HEATR5A: variants seen among roughly 807,000 people sequenced by gnomAD.
HEATR5A encodes the protein HEAT repeat containing 5A.
Under a neutral mutation model 218.8 loss-of-function variants are expected in HEATR5A, and 178 were observed. That is an observed-to-expected ratio of 0.81 (90% CI 0.72 to 0.92). The LOEUF (loss-of-function observed/expected upper bound fraction) is 0.92. Ranked by LOEUF, HEATR5A falls within the 40% of genes least tolerant of loss-of-function variation. HEATR5A has a pLI of 0.00. For synonymous variants in HEATR5A, 864 were observed against 871.6 expected (o/e 0.99, Z 0.15); for missense variants, 2,420 against 2,418.9 (o/e 1.00, Z -0.01).
At chr14:31,315,455 T>G (rs1471392239) in intron 27 of HEATR5A, among the ~76,000 whole-genome samples, 2 of 152,076 alleles carry the variant, frequency 1.3e-5, no homozygotes, top group African/African-American at 4.8e-5. Context: ...TGCTACAGAG[T>G]TGATAGAAGA....
chr14:31,371,876 A>G lies in HEATR5A; in HGVS notation c.1895T>C (p.Leu632Pro). The G allele has an allele frequency of 6.5e-7, 1 of 1,550,184 alleles. No individual in the cohort carries two copies. Among genetic ancestry groups the G allele is most frequent in the Non-Finnish European group, 8.7e-7 (1 of 1,145,446 alleles). The part of the protein sequence containing the change: ...IKSFVSHCGD[L>P]LTEEVTQRLL... ...ACGCTGAGTTACTTCCTCAGTAAGA[A>G]GATCACCACAGTGGGAAACAAAGCT... is the stretch of plus-strand genomic sequence containing the variant. Residue 632 changes from leucine (L) to proline (P), a missense_variant, in exon 13 of 36, where the codon CTT (leucine) becomes CCT (proline). Physicochemically the swap from Leu to Pro is moderately conservative, Grantham distance 98. Coordinates refer to ENST00000543095, the MANE Select transcript of HEATR5A (RefSeq NM_015473.4).
rs1443246943 is a variant in HEATR5A at position 31,311,047 on chromosome 14, AACCAACCAACCAACC to A, written c.4442-1880_4442-1866del. 4.6e-5 allele frequency among the ~76,000 whole-genome samples: 7 copies of A among 151,130 alleles called. No individual in the cohort carries two copies. The East Asian group carries it at 1.4e-3, about 29-fold the overall frequency. On this transcript the variant is annotated intron_variant, in intron 28 of 35. Coordinates refer to ENST00000543095, the MANE Select transcript of HEATR5A (RefSeq NM_015473.4). The stretch of plus-strand genomic sequence containing the variant: ...CAACCAACCAACCAACCAACCAACC[AACCAACCAACCAACC>A]AACCAACCAACCAAATACACACACA...
rs1414410734 is a variant in HEATR5A at position 31,352,345 on chromosome 14, T to C, written c.2412-1628A>G. The stretch of plus-strand genomic sequence containing the variant: ...GTCAGGTGTGCTTATTAAGCAAGCA[T>C]AAAAGACAACAGCATCAGGTAATTA... On this transcript the variant is annotated intron_variant, in intron 16 of 35. Transcript: ENST00000543095. 3.3e-5 allele frequency among the ~76,000 whole-genome samples: 5 copies of C among 152,154 alleles called. No homozygotes were observed. The East Asian group carries it at 5.8e-4, about 18-fold the overall frequency.
chr14:31,293,880 C>T lies in HEATR5A; in HGVS notation c.5833+11G>A. On this transcript the variant is annotated intron_variant, in intron 35 of 35. Transcript: ENST00000543095. ...GTTGAGACTGAGTATGAATTTAGTG[C>T]TGACACTTACGATGGTGTTCTTCAG... 1 of 1,578,052 alleles carries T rather than the reference C, an allele frequency of 6.3e-7. No homozygotes were observed. Among genetic ancestry groups the T allele is most frequent in the Non-Finnish European group, 8.6e-7 (1 of 1,157,964 alleles).
chr14:31,390,110 G>A (rs1019915750), intron 6 of HEATR5A, among the ~76,000 whole-genome samples: 1 of 152,138 alleles, frequency 6.6e-6, no homozygotes, highest in East Asian at 1.9e-4. Flanking sequence ...TCTAGGCAGA[G>A]GAAATGGCTA....
intron 25 of HEATR5A, among the ~76,000 whole-genome samples, chr14:31,320,962 T>C (rs1444336992): frequency 2.0e-5 from 3 of 152,162 alleles, no homozygotes; most frequent in African/African-American, 2.4e-5. Flanking sequence ...TTCAAACACA[T>C]GTACTTTCTA....
intron 1 of HEATR5A, among the ~76,000 whole-genome samples, chr14:31,417,982 C>A (rs1056698516): frequency 1.3e-5 from 2 of 151,998 alleles, no homozygotes. Context: ...CCGAGGCGGG[C>A]GGATCACCTG....
At chr14:31,293,748 T>A in intron 35 of HEATR5A, 136 bp from the exon 36 acceptor site, 1 of 1,040,222 alleles carries the variant, frequency 9.6e-7, no homozygotes, top group Non-Finnish European at 1.4e-6. Context: ...TAATACTAAA[T>A]AATATCAATA....
chr14:31,409,450 A>G (rs898801154), intron 1 of HEATR5A, among the ~76,000 whole-genome samples: 1 of 152,080 alleles, frequency 6.6e-6, no homozygotes, highest in Non-Finnish European at 1.5e-5. Flanking sequence ...CTGTAATCCC[A>G]GCACTTTGGG....
chr14:31,370,514 G>A (rs1039927074), intron 13 of HEATR5A, among the ~76,000 whole-genome samples: 24 of 152,116 alleles, frequency 1.6e-4, no homozygotes, highest in Middle Eastern at 3.2e-3. Flanking sequence ...AAATACAGAA[G>A]AACACTGAAA....
At chr14:31,369,124 C>A (rs1370713690) in intron 13 of HEATR5A, among the ~76,000 whole-genome samples, 12 of 152,040 alleles carry the variant, frequency 7.9e-5, no homozygotes, top group Admixed American at 5.2e-4. Context: ...TAGTGAGGCC[C>A]TGTGTCTACA....
intron 12 of HEATR5A, among the ~76,000 whole-genome samples, chr14:31,373,733 A>C (rs1171675040): frequency 2.6e-5 from 4 of 152,034 alleles, no homozygotes; most frequent in African/African-American, 9.7e-5. Context: ...CTCTTCATAC[A>C]TAGGTTTTTT....
chr14:31,378,358 C>A (rs1174563745), intron 11 of HEATR5A, among the ~76,000 whole-genome samples: 2 of 152,180 alleles, frequency 1.3e-5, no homozygotes, highest in African/African-American at 2.4e-5. Flanking sequence ...TACAAAATAT[C>A]TTTTTTCCCC....
intron 16 of HEATR5A, among the ~76,000 whole-genome samples, chr14:31,351,908 C>T (rs1356020360): frequency 6.6e-6 from 1 of 151,996 alleles, no homozygotes; most frequent in Admixed American, 6.6e-5. Context: ...AACCACTGTG[C>T]CTGGTCATTT....
chr14:31,309,736 T>G (rs1280243597), intron 28 of HEATR5A, among the ~76,000 whole-genome samples: 1 of 152,170 alleles, frequency 6.6e-6, no homozygotes, highest in African/African-American at 2.4e-5. Flanking sequence ...TTTTCTTTTT[T>G]TTTTCAGACA....
At chr14:31,386,332 T>A in intron 9 of HEATR5A, 88 bp downstream of exon 9, 1 of 906,924 alleles carries the variant, frequency 1.1e-6, no homozygotes, top group Non-Finnish European at 1.6e-6. Flanking sequence ...TATAATGGAA[T>A]CTATAAGTAA....
At chr14:31,418,351 A>G (rs1256582256) in intron 1 of HEATR5A, among the ~76,000 whole-genome samples, 1 of 152,168 alleles carries the variant, frequency 6.6e-6, no homozygotes, top group Non-Finnish European at 1.5e-5. Context: ...ACCAGACAAT[A>G]CTCTAGGCTT....
At position 31,326,265 on chromosome 14, in the gene HEATR5A, G is replaced by A. The variant is rs1566755053; in HGVS notation, c.3445C>T (p.His1149Tyr). The change falls in exon 23 of 36, where the codon CAT becomes TAT. Residue 1149 changes from histidine to tyrosine, a missense_variant. Coordinates refer to ENST00000543095, the MANE Select transcript of HEATR5A (RefSeq NM_015473.4). ...TAATTTAAAGTCTCTTTGATATCAT[G>A]GCATAATCTCTCATCTGTCTCCTTG... ...LDKETDERLC[H>Y]DIKETLNYML... is the part of the protein sequence containing the mutation. 1.9e-6 allele frequency: 3 copies of A among 1,612,802 alleles called. No individual in the cohort carries two copies. Among genetic ancestry groups the A allele is most frequent in the Non-Finnish European group, 2.5e-6 (3 of 1,179,026 alleles).
intron 3 of HEATR5A, among the ~76,000 whole-genome samples, chr14:31,399,351 T>C (rs906336292): frequency 6.6e-6 from 1 of 152,178 alleles, no homozygotes; most frequent in Non-Finnish European, 1.5e-5. Flanking sequence ...ACCCTCAAGT[T>C]TGTTACAAAA....
Sources: gnomAD v4.1 joint callset for allele counts (sites outside exome capture counted in the v4.1 genomes callset) on GRCh38, gnomAD v4.1.1 for gene constraint, MANE v1.5 for transcripts, NCBI Gene and HGNC (gene_info 2026-07-23, HGNC 2026-07-21) for gene names.